COL24A1: variants seen among roughly 807,000 people sequenced by gnomAD.
COL24A1 encodes collagen alpha-1(XXIV) chain.
Under a neutral mutation model 253.9 loss-of-function variants are expected in COL24A1, and 224 were observed. That is an observed-to-expected ratio of 0.88 (90% CI 0.79 to 0.99). The LOEUF (loss-of-function observed/expected upper bound fraction) is 0.99, where lower values mean the gene tolerates loss of function less well. Among genes scored for constraint, COL24A1 ranks in the 50% least tolerant of loss-of-function variants. The pLI is 0.00. For missense variants in COL24A1, 2,131 were observed against 2,068.5 expected (o/e 1.03, Z -0.59); for synonymous variants, 685 against 673.7 (o/e 1.02, Z -0.26).
At chr1:85,763,667 G>A (rs1458098771) in intron 53 of COL24A1, among the ~76,000 whole-genome samples, 3 of 151,186 alleles carry the variant, frequency 2.0e-5, no homozygotes, top group Non-Finnish European at 3.0e-5. Flanking sequence ...AATTTTTTTT[G>A]TATTTTTAGT....
At chr1:86,028,962 C>A (rs949408768) in intron 14 of COL24A1, among the ~76,000 whole-genome samples, 1 of 152,018 alleles carries the variant, frequency 6.6e-6, no homozygotes, top group Non-Finnish European at 1.5e-5. Flanking sequence ...ATATCTTGGG[C>A]CATATTTAAA....
intron 32 of COL24A1, among the ~76,000 whole-genome samples, chr1:85,884,413 CCT>C (rs1161301088): frequency 2.0e-5 from 3 of 151,964 alleles, no homozygotes; most frequent in South Asian, 2.1e-4. Context: ...TTTTTACTCC[CCT>C]GTTTTATTTA....
At chr1:86,078,484 G>A (rs934013036) in intron 7 of COL24A1, among the ~76,000 whole-genome samples, 1 of 151,926 alleles carries the variant, frequency 6.6e-6, no homozygotes, top group Non-Finnish European at 1.5e-5. Context: ...AAAAATAAAG[G>A]GCATCCAAAT....
At chr1:85,978,384 A>G (rs909847511) in intron 20 of COL24A1, among the ~76,000 whole-genome samples, 12 of 152,074 alleles carry the variant, frequency 7.9e-5, no homozygotes, top group African/African-American at 2.9e-4. Flanking sequence ...TCACATCTCA[A>G]TATTAACGTT....
At chr1:86,118,099 G>T (rs576060553) in intron 3 of COL24A1, among the ~76,000 whole-genome samples, 2 of 148,052 alleles carry the variant, frequency 1.4e-5, no homozygotes, top group Non-Finnish European at 3.0e-5. Flanking sequence ...GTCTCACTCT[G>T]TCACCTAGGC....
intron 31 of COL24A1, among the ~76,000 whole-genome samples, chr1:85,893,443 A>G (rs1196213185): frequency 1.3e-5 from 2 of 152,178 alleles, no homozygotes; most frequent in Non-Finnish European, 2.9e-5. Context: ...AAGAATTTTT[A>G]CACCCATCTC....
chr1:86,045,816 C>G, intron 12 of COL24A1: 1 of 430,072 alleles, frequency 2.3e-6, no homozygotes, highest in South Asian at 1.7e-5. Flanking sequence ...AATCTTTAAA[C>G]TTTAAAATAA....
intron 6 of COL24A1, among the ~76,000 whole-genome samples, chr1:86,091,110 ATAAT>A (rs931679733): frequency 6.6e-6 from 1 of 152,080 alleles, no homozygotes; most frequent in Admixed American, 6.6e-5. Flanking sequence ...TGTCCTTGCA[ATAAT>A]TAAGACAGTA....
In COL24A1 at chr1:85,771,387, T is replaced by C. The variant is rs188923344; in HGVS notation, c.4374+4287A>G. On this transcript the variant is annotated intron_variant, in intron 53 of 59. Coordinates refer to ENST00000370571, the MANE Select transcript of COL24A1 (RefSeq NM_152890.7). ...TGATCTTGTGATAGTTTGCTGAGAA[T>C]GATGGTTTCCAGCTTCATCCAGGTC... Among the ~76,000 whole-genome samples the C allele has an allele frequency of 2.2e-4, 34 of 152,248 alleles. 1 individual carries two copies. In the East Asian group the frequency reaches 6.6e-3, roughly 29 times the overall value.
chr1:86,095,136 TATC>T (rs1416946066), intron 5 of COL24A1, among the ~76,000 whole-genome samples: 18 of 152,168 alleles, frequency 1.2e-4, no homozygotes, highest in African/African-American at 4.3e-4. Flanking sequence ...TTATTATAAA[TATC>T]ATGTTAAAAA....
intron 35 of COL24A1, among the ~76,000 whole-genome samples, chr1:85,873,828 T>TAAA (rs10631015): frequency 0.029 from 4,290 of 148,370 alleles, 104 homozygotes; most frequent in South Asian, 0.036. Flanking sequence ...TTAAAATACA[T>TAAA]AAAAAAAAAA....
Position 85,784,973 on chromosome 1 carries a change from C to T in COL24A1, c.4060-607G>A, listed in dbSNP as rs539357021. 1.7e-4 allele frequency among the ~76,000 whole-genome samples: 26 copies of T among 152,192 alleles called. 2 individuals carry two copies. In the South Asian group the frequency reaches 4.4e-3, roughly 26 times the overall value. On this transcript the variant is annotated intron_variant, in intron 48 of 59. Coordinates refer to ENST00000370571, the MANE Select transcript of COL24A1 (RefSeq NM_152890.7). ...CTTGAACTACTAGCCTCAAGTGATC[C>T]TCCTGCATTAGCCTCCCAAAGTGGT...
At chr1:85,781,351 T>G in intron 51 of COL24A1, 78 bp from the exon 52 acceptor site, 1 of 947,006 alleles carries the variant, frequency 1.1e-6, no homozygotes, top group Non-Finnish European at 1.6e-6. Context: ...TCTTGTACAA[T>G]GGTAAAAGAG....
chr1:85,794,269 T>A (rs978190379), intron 47 of COL24A1, among the ~76,000 whole-genome samples: 21 of 152,186 alleles, frequency 1.4e-4, no homozygotes, highest in Non-Finnish European at 2.8e-4. Flanking sequence ...TTTGCCTCAC[T>A]TTACTTATAA....
chr1:86,146,186 A>G lies in COL24A1; in HGVS notation c.57-3T>C. The G allele has an allele frequency of 6.2e-7, 1 of 1,609,176 alleles. No homozygotes were observed. The highest frequency in any genetic ancestry group is 1.1e-5 in the South Asian group (1 of 89,822). ...CAATAAAATGAAGAAGTGATTTCCT[A>G]GGAAAAGAAAAAAGCATTTGGGAAA... is the stretch of plus-strand genomic sequence containing the variant. On this transcript the variant is annotated splice_polypyrimidine_tract_variant and splice_region_variant and intron_variant, in intron 1 of 59. Transcript: ENST00000370571.
chr1:85,878,788 T>C (rs757152194), intron 32 of COL24A1, among the ~76,000 whole-genome samples: 36 of 152,330 alleles, frequency 2.4e-4, no homozygotes, highest in Admixed American at 1.4e-3. Context: ...AACAGATGTA[T>C]AGTGGTATGT....
chr1:85,798,907 C>G (rs1671105772), intron 47 of COL24A1, among the ~76,000 whole-genome samples: 1 of 152,140 alleles, frequency 6.6e-6, no homozygotes. Flanking sequence ...GACTGGTAAG[C>G]ATTCCTTTTG....
At chr1:85,965,560 A>G (rs1691482597) in intron 22 of COL24A1, among the ~76,000 whole-genome samples, 3 of 151,500 alleles carry the variant, frequency 2.0e-5, no homozygotes, top group African/African-American at 7.3e-5. Context: ...CTTTGATGAC[A>G]ATGAGAGAGA....
At chr1:86,046,125 G>A (rs1313304553) in intron 12 of COL24A1, among the ~76,000 whole-genome samples, 2 of 152,156 alleles carry the variant, frequency 1.3e-5, no homozygotes, top group African/African-American at 2.4e-5. Context: ...AATGATTTGA[G>A]TATTCTGGTG....
Sources: allele counts gnomAD v4.1 joint callset (sites outside exome capture counted in the v4.1 genomes callset), GRCh38; gene constraint gnomAD v4.1.1; transcripts MANE v1.5; gene names NCBI Gene and HGNC (gene_info 2026-07-23, HGNC 2026-07-21).